FHIT: variants seen among roughly 807,000 people sequenced by gnomAD.
The protein encoded by FHIT is fragile histidine triad diadenosine triphosphatase.
FHIT carries 19 observed loss-of-function variants against 17.9 expected under a neutral mutation model. The observed-to-expected ratio is 1.06, with a 90% CI of 0.74 to 1.56. The LOEUF is 1.56. Ranked by LOEUF, FHIT falls within the 40% of genes most tolerant of loss-of-function variation. The pLI, the probability that FHIT is intolerant of heterozygous loss-of-function variation, is 0.00. For missense variants in FHIT, 248 were observed against 189.2 expected, an observed-to-expected ratio of 1.31 and a Z score of -1.82; for synonymous variants, 81 against 69.7, an observed-to-expected ratio of 1.16 and a Z score of -0.81.
chr3:60,429,779 A>T (rs907885660), intron 5 of FHIT, among the ~76,000 whole-genome samples: 4 of 152,120 alleles, frequency 2.6e-5, no homozygotes, highest in African/African-American at 9.7e-5. Context: ...TATCCCCACA[A>T]CAACTTTCTA....
At chr3:60,062,548 G>A (rs1427291582) in intron 5 of FHIT, among the ~76,000 whole-genome samples, 1 of 152,182 alleles carries the variant, frequency 6.6e-6, no homozygotes, top group Non-Finnish European at 1.5e-5. Flanking sequence ...GGTAGGGCCT[G>A]AATTTAACCC....
intron 2 of FHIT, among the ~76,000 whole-genome samples, chr3:61,066,580 A>G (rs531064431): frequency 7.2e-5 from 11 of 152,260 alleles, no homozygotes; most frequent in Non-Finnish European, 1.6e-4. Context: ...GTGCCATTTG[A>G]CTCCAGCCTG....
chr3:60,244,597 C>A (rs1181820870), intron 5 of FHIT, among the ~76,000 whole-genome samples: 1 of 152,006 alleles, frequency 6.6e-6, no homozygotes. Context: ...GCCACAGAAG[C>A]CACAAAATTG....
intron 5 of FHIT, among the ~76,000 whole-genome samples, chr3:60,265,675 A>G (rs1158580901): frequency 2.0e-5 from 3 of 152,034 alleles, no homozygotes; most frequent in Admixed American, 1.3e-4. Flanking sequence ...TGCAAATCAC[A>G]TATCTGAGAA....
At chr3:60,455,079 A>G (rs977810720) in intron 5 of FHIT, among the ~76,000 whole-genome samples, 9 of 152,292 alleles carry the variant, frequency 5.9e-5, no homozygotes, top group African/African-American at 2.2e-4. Context: ...TTTTTAAAAA[A>G]CAATACTCAA....
chr3:60,109,608 T>C (rs1228348168), intron 5 of FHIT, among the ~76,000 whole-genome samples: 2 of 152,252 alleles, frequency 1.3e-5, no homozygotes, highest in South Asian at 2.1e-4. Context: ...ATGAAGAGAA[T>C]AACAGAAGCA....
At chr3:60,770,781 A>T (rs1177240521) in intron 4 of FHIT, among the ~76,000 whole-genome samples, 3 of 152,206 alleles carry the variant, frequency 2.0e-5, no homozygotes, top group Non-Finnish European at 4.4e-5. Flanking sequence ...AGTTTTGGAC[A>T]TTGTTCCCAA....
intron 1 of FHIT, among the ~76,000 whole-genome samples, chr3:61,218,017 T>G (rs913868921): frequency 2.0e-5 from 3 of 152,158 alleles, no homozygotes; most frequent in Non-Finnish European, 2.9e-5. Flanking sequence ...TACATTGAAT[T>G]TGAAGTGCCT....
intron 4 of FHIT, among the ~76,000 whole-genome samples, chr3:60,545,755 T>C (rs913718344): frequency 6.6e-6 from 1 of 152,202 alleles, no homozygotes; most frequent in African/African-American, 2.4e-5. Context: ...TCCTGACTCA[T>C]TGAAAGTTGA....
chr3:59,973,968 G>C (rs905744176), intron 7 of FHIT, among the ~76,000 whole-genome samples: 1 of 143,306 alleles, frequency 7.0e-6, no homozygotes, highest in Non-Finnish European at 1.5e-5. Context: ...ACAATGATTT[G>C]TAGGGGATAA....
At chr3:60,272,381 G>T (rs1706903924) in intron 5 of FHIT, among the ~76,000 whole-genome samples, 1 of 152,126 alleles carries the variant, frequency 6.6e-6, no homozygotes, top group African/African-American at 2.4e-5. Context: ...TTATATAGAA[G>T]ATCTGCAAAG....
chr3:61,188,545 C>A (rs182041725), intron 2 of FHIT, among the ~76,000 whole-genome samples: 1,838 of 152,186 alleles, frequency 0.012, 43 homozygotes, highest in African/African-American at 0.042. Flanking sequence ...CTATTCCAAT[C>A]AATAGAAAAA....
At chr3:59,828,791 C>G (rs190838573) in intron 8 of FHIT, among the ~76,000 whole-genome samples, 1 of 149,634 alleles carries the variant, frequency 6.7e-6, no homozygotes, top group East Asian at 2.0e-4. Context: ...AAGTTTTATA[C>G]TTTTTTAAGA....
At chr3:60,276,224 G>T (rs1411029322) in intron 5 of FHIT, among the ~76,000 whole-genome samples, 1 of 152,074 alleles carries the variant, frequency 6.6e-6, no homozygotes, top group Admixed American at 6.6e-5. Context: ...CTGACCTCGT[G>T]ATCCGCCTGC....
chr3:59,890,711 T>C (rs1052725634), intron 8 of FHIT, among the ~76,000 whole-genome samples: 4 of 152,156 alleles, frequency 2.6e-5, no homozygotes, highest in African/African-American at 9.7e-5. Flanking sequence ...GAGAGAGAAA[T>C]TATAATAAAA....
At chr3:60,281,229 T>C (rs1328006192) in intron 5 of FHIT, among the ~76,000 whole-genome samples, 2 of 152,148 alleles carry the variant, frequency 1.3e-5, no homozygotes, top group Non-Finnish European at 2.9e-5. Context: ...TCTGTGTTCA[T>C]GGATAGGAAG....
chr3:60,695,186 G>C (rs1195809930), intron 4 of FHIT, among the ~76,000 whole-genome samples: 2 of 152,168 alleles, frequency 1.3e-5, no homozygotes, highest in African/African-American at 4.8e-5. Flanking sequence ...CCTAAGGTCA[G>C]GCGTTGGAGA....
At chr3:60,560,090 T>C (rs898612557) in intron 4 of FHIT, among the ~76,000 whole-genome samples, 1 of 151,884 alleles carries the variant, frequency 6.6e-6, no homozygotes, top group Non-Finnish European at 1.5e-5. Flanking sequence ...GGGGAAACTG[T>C]GCACAGTTTC....
At chr3:60,852,951 G>A (rs1703214233) in intron 3 of FHIT, among the ~76,000 whole-genome samples, 1 of 152,078 alleles carries the variant, frequency 6.6e-6, no homozygotes. Context: ...ATAGGGATAT[G>A]AAACACATAG....
Sources: gnomAD v4.1 joint callset for allele counts (sites outside exome capture counted in the v4.1 genomes callset) on GRCh38, gnomAD v4.1.1 for gene constraint, MANE v1.5 for transcripts, NCBI Gene and HGNC (gene_info 2026-07-23, HGNC 2026-07-21) for gene names.